KDM5A: variants seen among roughly 807,000 people sequenced by gnomAD.
KDM5A encodes lysine demethylase 5A, also known as lysine-specific demethylase 5A.
Under a neutral mutation model 193.5 loss-of-function variants are expected in KDM5A, and 42 were observed. That is an observed-to-expected ratio of 0.22 (90% CI 0.17 to 0.28). KDM5A has a LOEUF of 0.28. KDM5A is among the 10% of genes least tolerant of loss of function. KDM5A has a pLI of 1.00. For missense variants in KDM5A, 1,692 were observed against 2,055.1 expected (o/e 0.82, Z 3.42); for synonymous variants, 796 against 718.1 (o/e 1.11, Z -1.73).
At position 308,008 on chromosome 12, in the gene KDM5A, G is replaced by A. The variant is rs2137390081; in HGVS notation, c.3379-3C>T. On this transcript the variant is annotated splice_region_variant and splice_polypyrimidine_tract_variant and intron_variant, in intron 22 of 27. Transcript: ENST00000399788. ...TCCCGTTCTTTGAAAACTGCCACCT[G>A]TACAAGACAAACATTTAATTGAAAA... The A allele has an allele frequency of 2.5e-6, 4 of 1,613,560 alleles. No individual in the cohort carries two copies. Among genetic ancestry groups the A allele is most frequent in the Non-Finnish European group, 3.4e-6 (4 of 1,179,812 alleles).
chr12:329,050 TTAAA>T lies in KDM5A; in HGVS notation c.1774-25_1774-22del, dbSNP rs772889421. 3.0e-5 allele frequency: 49 copies of T among 1,607,220 alleles called. 2 individuals carry two copies. In the South Asian group the frequency reaches 5.4e-4, roughly 18 times the overall value. On this transcript the variant is annotated intron_variant, in intron 13 of 27. Transcript: ENST00000399788. The stretch of plus-strand genomic sequence containing the variant: ...GGCAACTGAAAATGAGATTTCCAAA[TTAAA>T]TAACTCGCTTATAACATATCCCAGC...
Position 285,508 on chromosome 12 carries a change from G to A in KDM5A, c.5021C>T (p.Ser1674Phe). Residue 1674 changes from serine (S) to phenylalanine (F), a missense_variant, in exon 28 of 28, where the codon TCC becomes TTC. This residue lies in a region of KDM5A where 41 missense variants were observed against 36.3 expected (regional missense o/e 1.13). Coordinates refer to ENST00000399788, the MANE Select transcript of KDM5A (RefSeq NM_001042603.3). Reference protein sequence around the residue: ...PVSPGPAPPPSFIMSYKLPME... With the variant: ...PVSPGPAPPPFFIMSYKLPME... ...TGGTAGTTTGTAGCTCATTATGAAGGAAGGAGGTGGTGCTGGACCTGGGCT... is the reference window on the plus strand; with the variant it reads ...TGGTAGTTTGTAGCTCATTATGAAGAAAGGAGGTGGTGCTGGACCTGGGCT... The A allele has an allele frequency of 3.7e-6, 6 of 1,614,018 alleles. No individual in the cohort carries two copies. Among genetic ancestry groups the A allele is most frequent in the Non-Finnish European group, 5.1e-6 (6 of 1,179,934 alleles).
intron 13 of KDM5A, among the ~76,000 whole-genome samples, chr12:330,054 A>AGTGTGTGTGT (rs148451707): frequency 2.2e-4 from 32 of 142,276 alleles, no homozygotes; most frequent in Admixed American, 8.4e-4. Context: ...CAAAGGAAAA[A>AGTGTGTGTGT]GTGTGTGTGT....
intron 15 of KDM5A, 135 bp downstream of exon 15, chr12:323,465 T>C: frequency 1.0e-6 from 1 of 976,432 alleles, no homozygotes; most frequent in East Asian, 2.5e-5. Context: ...AAGGGACTGG[T>C]CTTCAAGCCT....
intron 10 of KDM5A, among the ~76,000 whole-genome samples, chr12:349,480 C>A (rs929243322): frequency 2.0e-5 from 3 of 151,820 alleles, no homozygotes; most frequent in East Asian, 2.0e-4. Context: ...CAGGCGCCCA[C>A]CACCATACTC....
Position 380,226 on chromosome 12 carries a change from G to A in KDM5A, c.366+3805C>T, listed in dbSNP as rs976225489. ...GGAGGTTGCAGTGAGCCGAGATCAC[G>A]CCTCTAGCCTGGGTGATGGGGGAGA... On this transcript the variant is annotated intron_variant, in intron 3 of 27. Transcript: ENST00000399788. 3.5e-4 allele frequency among the ~76,000 whole-genome samples: 52 copies of A among 149,900 alleles called. 1 individual carries two copies. Among genetic ancestry groups the A allele is most frequent in the East Asian group, 3.9e-4 (2 of 5,130 alleles).
Position 323,526 on chromosome 12 carries a change from G to C in KDM5A, c.2150+74C>G, listed in dbSNP as rs1286683206. ...TCCAGAGTAAAGGAGTAAAGTAAGG[G>C]AATAAGTAAAAATAACATTAAAACT... On this transcript the variant is annotated intron_variant, in intron 15 of 27. Transcript: ENST00000399788. 6.5e-6 allele frequency: 9 copies of C among 1,385,042 alleles called. No individual in the cohort carries two copies. The African/African-American group carries it at 1.3e-4, about 20-fold the overall frequency. The allele number at this position is 1,385,042 out of a possible 1,614,324, so 85.8% of individuals were successfully genotyped here.
At chr12:298,168 A>G (rs543466370) in intron 24 of KDM5A, among the ~76,000 whole-genome samples, 3 of 152,312 alleles carry the variant, frequency 2.0e-5, no homozygotes, top group African/African-American at 7.2e-5. Flanking sequence ...AGAGCAGCGG[A>G]TCTCCCAGCA....
At chr12:388,169 TA>T (rs1198014019) in intron 1 of KDM5A, 2 of 392,354 alleles carry the variant, frequency 5.1e-6, no homozygotes, top group African/African-American at 4.2e-5. Context: ...TGACCTTGAG[TA>T]ATCACTCAAC....
At chr12:388,583 C>T in intron 1 of KDM5A, 1 of 392,724 alleles carries the variant, frequency 2.5e-6, no homozygotes, top group Non-Finnish European at 4.9e-6. Context: ...AGCCGACTAT[C>T]AAACCATAAT....
intron 3 of KDM5A, among the ~76,000 whole-genome samples, chr12:382,610 T>A (rs1424052268): frequency 6.6e-6 from 1 of 152,044 alleles, no homozygotes; most frequent in East Asian, 1.9e-4. Context: ...TAAGCAATAA[T>A]AAATTTGTAT....
chr12:282,344 G>A lies in KDM5A; in HGVS notation c.*3112C>T. 4.3e-6 allele frequency: 1 copy of A among 233,386 alleles called. No homozygotes were observed. Among genetic ancestry groups the A allele is most frequent in the Non-Finnish European group, 8.5e-6 (1 of 118,128 alleles). The allele number at this position is 233,386 out of a possible 1,614,324, so 14.5% of individuals were successfully genotyped here. A position where few individuals can be genotyped will look rare whatever the true frequency, so the allele number is the denominator to read the frequency against. On this transcript the variant is annotated 3_prime_UTR_variant, in exon 28 of 28. Coordinates refer to ENST00000399788, the MANE Select transcript of KDM5A (RefSeq NM_001042603.3). ...CATTATGGGTAATCACAGGTTTAAT[G>A]TTTGCCGTTTCCATTATTCAAGGTA...
chr12:332,458 A>C (rs1274838480), intron 12 of KDM5A, among the ~76,000 whole-genome samples: 3 of 152,194 alleles, frequency 2.0e-5, no homozygotes, highest in Admixed American at 6.5e-5. Flanking sequence ...TTTATTATTT[A>C]AAAACAAAGT....
At chr12:339,875 A>ATTTTT (rs202004318) in intron 10 of KDM5A, among the ~76,000 whole-genome samples, 1 of 140,816 alleles carries the variant, frequency 7.1e-6, no homozygotes, top group African/African-American at 2.6e-5. Context: ...AAGAAGTCTG[A>ATTTTT]TTTTTTTTTT....
chr12:303,600 C>T (rs945964101), intron 24 of KDM5A, among the ~76,000 whole-genome samples: 28 of 152,258 alleles, frequency 1.8e-4, no homozygotes, highest in African/African-American at 6.3e-4. Context: ...ACGTGTATAC[C>T]TATGTAGCAA....
chr12:336,753 T>G (rs1298374217), intron 10 of KDM5A, among the ~76,000 whole-genome samples: 1 of 151,624 alleles, frequency 6.6e-6, no homozygotes, highest in Admixed American at 6.6e-5. Context: ...AGGCAGTGCT[T>G]GAACCCAGGA....
rs1943165725 is a variant in KDM5A at position 282,381 on chromosome 12, A to T, written c.*3075T>A. 4.3e-6 allele frequency: 1 copy of T among 233,174 alleles called. No homozygotes were observed. The highest frequency in any genetic ancestry group is 8.5e-6 in the Non-Finnish European group (1 of 118,050). The allele number at this position is 233,174 out of a possible 1,614,324, so 14.4% of individuals were successfully genotyped here. On this transcript the variant is annotated 3_prime_UTR_variant, in exon 28 of 28. Coordinates refer to ENST00000399788, the MANE Select transcript of KDM5A (RefSeq NM_001042603.3). ...CATTATTCAAGGTATGACATGCAAT[A>T]ATTTATAATTTTACTGAGGCACAAA... is the stretch of plus-strand genomic sequence containing the variant.
intron 5 of KDM5A, among the ~76,000 whole-genome samples, chr12:361,895 G>A (rs1383003430): frequency 6.6e-6 from 1 of 152,084 alleles, no homozygotes. Flanking sequence ...CTCAGAAAAA[G>A]AAAGGCAGAA....
At position 353,067 on chromosome 12, in the gene KDM5A, C is replaced by T. The variant is rs140676337; in HGVS notation, c.1030-743G>A. Among the ~76,000 whole-genome samples, 83 of 152,212 alleles carry T rather than the reference C, an allele frequency of 5.5e-4. 2 individuals are homozygous for T. The East Asian group carries it at 6.9e-3, about 13-fold the overall frequency. ...CAAGCTAAAAGATACCATCAGGGCC[C>T]GGCACAGTGGCTCGTGTCTGTAATC... On this transcript the variant is annotated intron_variant, in intron 8 of 27. Coordinates refer to ENST00000399788, the MANE Select transcript of KDM5A (RefSeq NM_001042603.3).
Sources: allele counts gnomAD v4.1 joint callset (sites outside exome capture counted in the v4.1 genomes callset), GRCh38; gene constraint gnomAD v4.1.1; regional missense constraint gnomAD v4.1.1; transcripts MANE v1.5; gene names NCBI Gene and HGNC (gene_info 2026-07-23, HGNC 2026-07-21).